Variants in PTPRZ1 observed in about 807,000 individuals in gnomAD.
PTPRZ1 encodes protein tyrosine phosphatase receptor type Z1, also known as receptor-type tyrosine-protein phosphatase zeta.
In PTPRZ1, 82 loss-of-function variants were observed where a neutral mutation model predicts 214.1. That is an observed-to-expected ratio of 0.38 (90% CI 0.32 to 0.46). The LOEUF is 0.46. Ranked by LOEUF, PTPRZ1 falls within the 20% of genes least tolerant of loss-of-function variation. The pLI, the probability that PTPRZ1 is intolerant of heterozygous loss-of-function variation, is 1.00. For synonymous variants in PTPRZ1, 945 were observed against 987.9 expected (o/e 0.96, Z 0.81); for missense variants, 2,603 against 2,748.7 (o/e 0.95, Z 1.19).
chr7:122,053,607 T>C (rs1792256137), intron 25 of PTPRZ1, among the ~76,000 whole-genome samples: 1 of 152,154 alleles, frequency 6.6e-6, no homozygotes, highest in Non-Finnish European at 1.5e-5. Flanking sequence ...TAAGGCAAAC[T>C]TGGGCACAAT....
At chr7:121,888,192 T>G (rs1794459080) in intron 1 of PTPRZ1, among the ~76,000 whole-genome samples, 2 of 151,982 alleles carry the variant, frequency 1.3e-5, no homozygotes, top group Non-Finnish European at 2.9e-5. Context: ...TGCCTTGCCC[T>G]GCTTGGTGGG....
At chr7:121,898,182 G>A (rs1176186164) in intron 1 of PTPRZ1, among the ~76,000 whole-genome samples, 1 of 151,944 alleles carries the variant, frequency 6.6e-6, no homozygotes, top group Non-Finnish European at 1.5e-5. Context: ...TCAGGAATAT[G>A]TGCAGCTCTC....
chr7:121,993,023 A>G (rs1317509196), intron 8 of PTPRZ1, among the ~76,000 whole-genome samples: 1 of 152,196 alleles, frequency 6.6e-6, no homozygotes, highest in Admixed American at 6.5e-5. Flanking sequence ...ATCAGTAACT[A>G]TGACCCAGAT....
At chr7:121,911,696 G>T (rs180961142) in intron 1 of PTPRZ1, among the ~76,000 whole-genome samples, 1 of 151,918 alleles carries the variant, frequency 6.6e-6, no homozygotes, top group African/African-American at 2.4e-5. Flanking sequence ...AGATAGGAAG[G>T]TATGGTTGTA....
At chr7:121,959,761 T>G (rs532998754) in intron 2 of PTPRZ1, among the ~76,000 whole-genome samples, 2 of 152,328 alleles carry the variant, frequency 1.3e-5, no homozygotes, top group South Asian at 4.1e-4. Context: ...AATTACTTCA[T>G]TTTTGTATTT....
chr7:121,908,364 G>GCGTATCATT, intron 1 of PTPRZ1: 2 of 251,854 alleles, frequency 7.9e-6, no homozygotes, highest in South Asian at 4.1e-5. Flanking sequence ...AATCCCTTTG[G>GCGTATCATT]AAAAGAATAT....
intron 1 of PTPRZ1, among the ~76,000 whole-genome samples, chr7:121,917,301 A>T (rs1795455076): frequency 6.6e-6 from 1 of 152,212 alleles, no homozygotes; most frequent in Admixed American, 6.5e-5. Context: ...AGATGTCATC[A>T]AAGTGTTTAA....
At chr7:121,914,417 G>T (rs1275832420) in intron 1 of PTPRZ1, among the ~76,000 whole-genome samples, 1 of 152,062 alleles carries the variant, frequency 6.6e-6, no homozygotes, top group Non-Finnish European at 1.5e-5. Context: ...TATAGAAAAG[G>T]TTCCTCTGCT....
At chr7:121,988,149 C>T (rs1188895617) in intron 8 of PTPRZ1, among the ~76,000 whole-genome samples, 1 of 152,110 alleles carries the variant, frequency 6.6e-6, no homozygotes, top group Non-Finnish European at 1.5e-5. Context: ...CATATGTGCT[C>T]TTCTATCTAA....
intron 28 of PTPRZ1, 35 bp downstream of exon 28, chr7:122,058,977 A>T: frequency 6.6e-7 from 1 of 1,521,766 alleles, no homozygotes; most frequent in South Asian, 1.2e-5. Flanking sequence ...TCACACCTGC[A>T]CATTTTCTGG....
rs760911226 is a variant in PTPRZ1 at position 121,997,982 on chromosome 7, G to A, written c.1216G>A (p.Val406Ile). The change falls in exon 10 of 30, where the codon GTC (valine) becomes ATC (isoleucine). Residue 406 changes from valine (V) to isoleucine (I), a missense_variant. This residue lies in a region of PTPRZ1 where 244 missense variants were observed against 333.2 expected (regional missense o/e 0.73). Transcript: ENST00000393386. ...TGGAAAATACAGCGACCAACTGATT[G>A]TCGACATGCCTACTGATAATCCTGG... The part of the protein sequence containing the change: ...LYGKYSDQLI[V>I]DMPTDNPELD... 1 of 1,613,096 alleles carries A rather than the reference G, an allele frequency of 6.2e-7. No individual in the cohort carries two copies. The highest frequency in any genetic ancestry group is 8.5e-7 in the Non-Finnish European group (1 of 1,179,636).
At chr7:122,024,142 C>T (rs2116700204) in intron 13 of PTPRZ1, among the ~76,000 whole-genome samples, 2 of 151,878 alleles carry the variant, frequency 1.3e-5, no homozygotes, top group Non-Finnish European at 2.9e-5. Context: ...AATAATATGC[C>T]TTGAAATCAT....
chr7:121,998,569 A>C (rs1798216736), intron 10 of PTPRZ1, among the ~76,000 whole-genome samples: 1 of 152,076 alleles, frequency 6.6e-6, no homozygotes, highest in Admixed American at 6.6e-5. Flanking sequence ...AGTTGTTTCT[A>C]CTTGTGTTTT....
chr7:121,967,019 A>G (rs1797066977), intron 2 of PTPRZ1: 1 of 152,116 alleles, frequency 6.6e-6, no homozygotes, highest in Non-Finnish European at 1.5e-5. Context: ...AGAGACTTGG[A>G]CTCTCAATAT....
Position 122,051,439 on chromosome 7 carries a change from G to T in PTPRZ1, c.6096G>T (p.Gln2032His), listed in dbSNP as rs140519629. 70 of 1,612,556 alleles carry T rather than the reference G, an allele frequency of 4.3e-5. 2 individuals carry two copies. In the South Asian group the frequency reaches 6.8e-4, roughly 16 times the overall value. Reference protein sequence around the residue: ...KLEKQFQLLSQSNIQQSDYSA... With the variant: ...KLEKQFQLLSHSNIQQSDYSA... ...ACTTTCTTGCCCAGCTCCTGAGCCA[G>T]TCAAATATACAGCAGAGTGACTATT... The change falls in exon 24 of 30, where the codon CAG becomes CAT. Residue 2032 changes from glutamine (Q) to histidine (H), a missense_variant. Physicochemically the swap from Gln to His is conservative, Grantham distance 24 (BLOSUM62 0). Transcript: ENST00000393386.
At chr7:121,972,418 C>T in intron 3 of PTPRZ1, 123 bp from the exon 4 acceptor site, 1 of 1,052,528 alleles carries the variant, frequency 9.5e-7, no homozygotes, top group Non-Finnish European at 1.3e-6. Flanking sequence ...ATGGCGACTT[C>T]ATATTTTGTA....
chr7:121,962,564 C>A (rs1308908842), intron 2 of PTPRZ1, among the ~76,000 whole-genome samples: 3 of 151,842 alleles, frequency 2.0e-5, no homozygotes, highest in African/African-American at 4.8e-5. Context: ...TTGTTTTATT[C>A]CTGTGCACAA....
chr7:122,037,011 G>C (rs1047766902), intron 18 of PTPRZ1, among the ~76,000 whole-genome samples: 1 of 149,854 alleles, frequency 6.7e-6, no homozygotes, highest in Non-Finnish European at 1.5e-5. Flanking sequence ...GGTGGCTCAC[G>C]CCTGTAATCC....
intron 2 of PTPRZ1, among the ~76,000 whole-genome samples, chr7:121,930,073 T>G (rs1214284876): frequency 6.6e-6 from 1 of 152,056 alleles, no homozygotes; most frequent in South Asian, 2.1e-4. Flanking sequence ...TTATTAGCCA[T>G]TTGCACTATA....
Sources: gnomAD v4.1 joint callset for allele counts (sites outside exome capture counted in the v4.1 genomes callset) on GRCh38, gnomAD v4.1.1 for gene constraint, gnomAD v4.1.1 regional missense constraint, MANE v1.5 for transcripts, NCBI Gene and HGNC (gene_info 2026-07-23, HGNC 2026-07-21) for gene names.